CPAMD8: variants seen among roughly 807,000 people sequenced by gnomAD.
CPAMD8 encodes the protein C3 and PZP like alpha-2-macroglobulin domain containing 8.
CPAMD8 carries 146 observed loss-of-function variants against 224.7 expected under a neutral mutation model. The ratio of observed to expected loss-of-function variants is 0.65; its 90% confidence interval spans 0.57 to 0.75. CPAMD8 has a LOEUF of 0.75. Ranked by LOEUF, CPAMD8 falls within the 30% of genes least tolerant of loss-of-function variation. The probability of loss-of-function intolerance (pLI) is 0.00; values close to 1 mark genes in which losing one functional copy is unlikely to be tolerated. For synonymous variants in CPAMD8, 966 were observed against 1,044.6 expected, an observed-to-expected ratio of 0.92 and a Z score of 1.45; for missense variants, 2,301 against 2,537.5, an observed-to-expected ratio of 0.91 and a Z score of 2.00.
chr19:16,904,449 G>A lies in CPAMD8; in HGVS notation c.4114+17C>T, dbSNP rs2052389889. 1 of 1,613,490 alleles carries A rather than the reference G, an allele frequency of 6.2e-7. No homozygotes were observed. Among genetic ancestry groups the A allele is most frequent in the South Asian group, 1.1e-5 (1 of 91,064 alleles). On this transcript the variant is annotated intron_variant, in intron 31 of 41. Transcript: ENST00000443236. The stretch of plus-strand genomic sequence containing the variant: ...GTATGGCCAAGGCAGGCACCCGGGA[G>A]CTGGGGTGGCCAGTACCTGACTGAG...
chr19:16,958,804 CTT>C (rs200136563), intron 18 of CPAMD8, among the ~76,000 whole-genome samples: 3 of 143,130 alleles, frequency 2.1e-5, no homozygotes, highest in Admixed American at 7.0e-5. Context: ...CTTTTTTTTT[CTT>C]TTTTTTTTTT....
intron 13 of CPAMD8, 50 bp from the exon 14 acceptor site, chr19:16,980,736 A>G (rs755972408): frequency 1.4e-6 from 2 of 1,423,628 alleles, no homozygotes; most frequent in Middle Eastern, 1.9e-4. Context: ...CAATGTTGCA[A>G]CCCACCACAG....
chr19:17,025,957 G>A (rs1012664227), intron 1 of CPAMD8, among the ~76,000 whole-genome samples: 1 of 152,082 alleles, frequency 6.6e-6, no homozygotes, highest in African/African-American at 2.4e-5. Context: ...GGACTAAAAG[G>A]CTGGTCTTGT....
In CPAMD8 at chr19:16,899,518, C is replaced by T. The variant is rs1354185271; in HGVS notation, c.4805G>A (p.Arg1602Lys). The T allele has an allele frequency of 6.3e-7, 1 of 1,576,542 alleles. No homozygotes were observed. The highest frequency in any genetic ancestry group is 1.7e-5 in the Admixed American group (1 of 59,972). ...CACTCGGCGTCCAGCCACTTCATAC[C>T]TCTTCATCCCCATGTGCTTGTCAAG... is the stretch of plus-strand genomic sequence containing the variant. The part of the protein sequence containing the change: ...LLLDKHMGMK[R>K]YEVAGRRVLF... Residue 1602 changes from arginine to lysine, a missense_variant, in exon 37 of 42, where the codon AGG becomes AAG. By Grantham distance (26) the Arg-to-Lys change is conservative. This residue lies in a region of CPAMD8 where 1,709 missense variants were observed against 1,753.2 expected (regional missense o/e 0.97). Transcript: ENST00000443236. The surrounding 1 kb of genome is among the most constrained non-coding windows in gnomAD (Gnocchi z 5.4).
intron 32 of CPAMD8, 50 bp downstream of exon 32, chr19:16,904,176 A>AGGGCCCCCCCC: frequency 5.3e-6 from 5 of 937,340 alleles, no homozygotes; most frequent in Non-Finnish European, 6.7e-6. Flanking sequence ...GACTGCAGGG[A>AGGGCCCCCCCC]CCCCACCCAC....
At chr19:16,922,135 G>C in intron 26 of CPAMD8, 149 bp from the exon 27 acceptor site, 1 of 605,352 alleles carries the variant, frequency 1.7e-6, no homozygotes, top group Non-Finnish European at 2.9e-6. Flanking sequence ...AATCACATCT[G>C]GAGTCCTTGA....
intron 29 of CPAMD8, chr19:16,910,838 C>G (rs922609499): frequency 6.6e-6 from 1 of 152,328 alleles, no homozygotes; most frequent in Non-Finnish European, 1.5e-5. Flanking sequence ...GAAGGTCACA[C>G]GCAGACAAAG....
chr19:16,983,912 G>A (rs1483185747), intron 13 of CPAMD8, among the ~76,000 whole-genome samples: 4 of 152,084 alleles, frequency 2.6e-5, no homozygotes, highest in Admixed American at 6.6e-5. Flanking sequence ...TGAAAAAGAA[G>A]AATAACATTG....
At chr19:16,954,842 G>A (rs1465085342) in intron 19 of CPAMD8, among the ~76,000 whole-genome samples, 2 of 150,922 alleles carry the variant, frequency 1.3e-5, no homozygotes, top group Admixed American at 6.6e-5. Flanking sequence ...AATTAGCTAG[G>A]CATTGGCTGG....
intron 14 of CPAMD8, among the ~76,000 whole-genome samples, chr19:16,979,862 T>C (rs1348705513): frequency 6.6e-6 from 1 of 152,120 alleles, no homozygotes; most frequent in African/African-American, 2.4e-5. Flanking sequence ...TACCTACCTA[T>C]CTCAGTGTCC....
At chr19:16,909,476 G>A (rs929013200) in intron 29 of CPAMD8, among the ~76,000 whole-genome samples, 6 of 152,028 alleles carry the variant, frequency 3.9e-5, no homozygotes, top group African/African-American at 7.2e-5. Flanking sequence ...CCTGGGAGGC[G>A]GAGCTTGCAA....
intron 20 of CPAMD8, among the ~76,000 whole-genome samples, 183 bp downstream of exon 20, chr19:16,951,786 G>A (rs1240004893): frequency 2.0e-5 from 3 of 152,002 alleles, no homozygotes; most frequent in African/African-American, 4.8e-5. Flanking sequence ...CACAGATGAC[G>A]CATCCTCCCC....
chr19:16,925,562 C>A (rs544093759), intron 25 of CPAMD8, among the ~76,000 whole-genome samples, 190 bp from the exon 26 acceptor site: 1 of 152,278 alleles, frequency 6.6e-6, no homozygotes, highest in South Asian at 2.1e-4. Flanking sequence ...TACACACCTC[C>A]TTCTGTGTTC....
At chr19:16,923,957 T>TA (rs1213534076) in intron 26 of CPAMD8, among the ~76,000 whole-genome samples, 213 of 148,078 alleles carry the variant, frequency 1.4e-3, no homozygotes, top group African/African-American at 4.7e-3. Context: ...CCCTAGCTCT[T>TA]ACAAAAAAAA....
At chr19:16,952,223 GA>G (rs751024689) in intron 19 of CPAMD8, 23 bp from the exon 20 acceptor site, 1 of 1,347,976 alleles carries the variant, frequency 7.4e-7, no homozygotes, top group East Asian at 2.5e-5. Flanking sequence ...AGACAGCCAT[GA>G]TGGGGGGCCC....
intron 1 of CPAMD8, among the ~76,000 whole-genome samples, chr19:17,024,937 T>C (rs759310514): frequency 1.8e-4 from 27 of 152,216 alleles, no homozygotes; most frequent in Admixed American, 6.5e-5. Flanking sequence ...ACGAGATCCT[T>C]TGGGCTGGGT....
chr19:16,896,681 G>C lies in CPAMD8; in HGVS notation c.5066-16C>G. Reference sequence around the variant, plus strand: ...GGGAACCAGCCTGGGGGACGAGGCAGGCTCGACAGACCCCCCACCCTGAAC... The same window carrying C: ...GGGAACCAGCCTGGGGGACGAGGCACGCTCGACAGACCCCCCACCCTGAAC... On this transcript the variant is annotated splice_polypyrimidine_tract_variant and intron_variant, in intron 39 of 41. Coordinates refer to ENST00000443236, the MANE Select transcript of CPAMD8 (RefSeq NM_015692.5). 7.0e-7 allele frequency: 1 copy of C among 1,421,108 alleles called. No individual in the cohort carries two copies. The highest frequency in any genetic ancestry group is 1.5e-5 in the African/African-American group (1 of 68,094). 88.0% of individuals were successfully genotyped at this position (1,421,108 alleles called of 1,614,324 possible).
At chr19:17,014,356 G>A (rs2123181329) in intron 3 of CPAMD8, among the ~76,000 whole-genome samples, 1 of 145,346 alleles carries the variant, frequency 6.9e-6, no homozygotes, top group Middle Eastern at 3.5e-3. Flanking sequence ...ATGGCACCTG[G>A]CCGTCCTCTT....
chr19:16,993,596 G>A lies in CPAMD8; in HGVS notation c.1096-10C>T, dbSNP rs1385232711. 6.2e-7 allele frequency: 1 copy of A among 1,613,596 alleles called. No homozygotes were observed. Among genetic ancestry groups the A allele is most frequent in the Admixed American group, 1.7e-5 (1 of 59,940 alleles). On this transcript the variant is annotated splice_polypyrimidine_tract_variant and intron_variant, in intron 11 of 41. Coordinates refer to ENST00000443236, the MANE Select transcript of CPAMD8 (RefSeq NM_015692.5). Reference sequence around the variant, plus strand: ...GGTAGGATAGCTCCACCTAGAAAAGGTCACCCAAGACACAACAGAGTTAAG... The same window carrying A: ...GGTAGGATAGCTCCACCTAGAAAAGATCACCCAAGACACAACAGAGTTAAG...
Sources: allele counts gnomAD v4.1 joint callset (sites outside exome capture counted in the v4.1 genomes callset), GRCh38; gene constraint gnomAD v4.1.1; regional missense constraint gnomAD v4.1.1; non-coding constraint Gnocchi (gnomAD v3.1); transcripts MANE v1.5; gene names NCBI Gene and HGNC (gene_info 2026-07-23, HGNC 2026-07-21).